EFCAB5: variants seen among roughly 807,000 people sequenced by gnomAD.
The protein encoded by EFCAB5 is EF-hand calcium binding domain 5, also known as EF-hand calcium-binding domain-containing protein 5.
Under a neutral mutation model 167.9 loss-of-function variants are expected in EFCAB5, and 131 were observed. The ratio of observed to expected loss-of-function variants is 0.78; its 90% CI spans 0.68 to 0.90. The LOEUF is 0.90. Among genes scored for constraint, EFCAB5 ranks in the 40% least tolerant of loss-of-function variants. The pLI, the probability that EFCAB5 is intolerant of heterozygous loss-of-function variation, is 0.00. For missense variants in EFCAB5, 1,663 were observed against 1,745.2 expected (o/e 0.95, Z 0.84); for synonymous variants, 574 against 602.8 (o/e 0.95, Z 0.70).
Position 30,087,142 on chromosome 17 carries a change from TCCACAG to T in EFCAB5, c.3660_3665del (p.Ile1220_Arg1222delinsMet), listed in dbSNP as rs747577613. 6 of 1,613,656 alleles carry T rather than the reference TCCACAG, an allele frequency of 3.7e-6. No individual in the cohort carries two copies. The East Asian group carries it at 1.3e-4, about 36-fold the overall frequency. On this transcript the variant is annotated inframe_deletion, in exon 19 of 23. Transcript: ENST00000394835. ...GAAATCCACAAAAATCCTCCTACCA[TCCACAG>T]GAAGTCATGCATCTTCAGGTTAGAG...
At chr17:30,043,098 A>T (rs555344757) in intron 8 of EFCAB5, among the ~76,000 whole-genome samples, 1 of 152,152 alleles carries the variant, frequency 6.6e-6, no homozygotes, top group Non-Finnish European at 1.5e-5. Context: ...TGGGAAACAT[A>T]GCAAGACCAC....
chr17:30,082,040 G>A (rs1201463881), intron 17 of EFCAB5, among the ~76,000 whole-genome samples: 1 of 152,128 alleles, frequency 6.6e-6, no homozygotes, highest in Non-Finnish European at 1.5e-5. Flanking sequence ...CCACATATGG[G>A]TTCTAAAGAT....
intron 8 of EFCAB5, among the ~76,000 whole-genome samples, chr17:30,050,420 C>A (rs1412289618): frequency 6.6e-6 from 1 of 152,124 alleles, no homozygotes; most frequent in African/African-American, 2.4e-5. Context: ...CAGGCGTGAG[C>A]CACCGCGCCT....
In EFCAB5 at chr17:30,056,837, G is replaced by A. The variant is rs114946457; in HGVS notation, c.2365+681G>A. Among the ~76,000 whole-genome samples, 1,081 of 152,212 alleles carry A rather than the reference G, an allele frequency of 7.1e-3. 9 individuals are homozygous for A. The highest frequency in any genetic ancestry group is 0.025 in the African/African-American group (1,048 of 41,526). On this transcript the variant is annotated intron_variant, in intron 12 of 22. Transcript: ENST00000394835. The stretch of plus-strand genomic sequence containing the variant: ...TTTCTGGTGAAAATGCATGGCATTG[G>A]TCAACCTCTTGCAGCCTGCTAGTTC...
chr17:29,946,641 T>C (rs1320244690), intron 3 of EFCAB5, among the ~76,000 whole-genome samples: 3 of 151,904 alleles, frequency 2.0e-5, no homozygotes, highest in Non-Finnish European at 2.9e-5. Context: ...GGTTTCACCA[T>C]GTTGGGCAGG....
At chr17:29,953,451 G>C (rs528760274) in intron 3 of EFCAB5, among the ~76,000 whole-genome samples, 2 of 152,242 alleles carry the variant, frequency 1.3e-5, no homozygotes, top group Admixed American at 6.5e-5. Context: ...CTGTTCTCAT[G>C]ATAGTGAGTA....
intron 7 of EFCAB5, among the ~76,000 whole-genome samples, chr17:30,026,093 A>G (rs1226473486): frequency 6.6e-6 from 1 of 151,866 alleles, no homozygotes; most frequent in Non-Finnish European, 1.5e-5. Flanking sequence ...TGGGTGCAGC[A>G]CACCAGCATG....
chr17:30,017,019 A>G (rs939161031), intron 7 of EFCAB5, among the ~76,000 whole-genome samples: 12 of 152,054 alleles, frequency 7.9e-5, no homozygotes, highest in Non-Finnish European at 1.8e-4. Flanking sequence ...TCTACAAAAA[A>G]TTTAAAAATT....
At chr17:30,074,356 A>G (rs2070825683) in intron 14 of EFCAB5, 1 of 152,190 alleles carries the variant, frequency 6.6e-6, no homozygotes, top group African/African-American at 2.4e-5. Flanking sequence ...GCTGGCCACT[A>G]ACTCCTGGCC....
chr17:29,947,714 G>C (rs1405041399), intron 3 of EFCAB5, among the ~76,000 whole-genome samples: 1 of 152,058 alleles, frequency 6.6e-6, no homozygotes, highest in Non-Finnish European at 1.5e-5. Flanking sequence ...CCCACCTCCT[G>C]TTTTTCTGAT....
intron 7 of EFCAB5, among the ~76,000 whole-genome samples, chr17:30,033,378 G>A (rs1444376880): frequency 2.0e-5 from 3 of 152,046 alleles, no homozygotes; most frequent in Non-Finnish European, 4.4e-5. Flanking sequence ...GTGCCCGGCC[G>A]AGCTCACACT....
At chr17:30,026,104 G>T (rs1321188650) in intron 7 of EFCAB5, among the ~76,000 whole-genome samples, 1 of 151,308 alleles carries the variant, frequency 6.6e-6, no homozygotes, top group African/African-American at 2.4e-5. Flanking sequence ...CACCAGCATG[G>T]CACATGTATA....
chr17:29,985,823 T>C (rs1048482122), intron 4 of EFCAB5, among the ~76,000 whole-genome samples: 8 of 152,190 alleles, frequency 5.3e-5, no homozygotes, highest in African/African-American at 1.9e-4. Flanking sequence ...GTCACAGTGC[T>C]GCAGAGATTT....
At chr17:29,946,568 T>G (rs140696460) in intron 3 of EFCAB5, among the ~76,000 whole-genome samples, 1 of 150,368 alleles carries the variant, frequency 6.7e-6, no homozygotes, top group Non-Finnish European at 1.5e-5. Flanking sequence ...TCCCAAGTAA[T>G]TGGGACTTCA....
rs916135983 is a variant in EFCAB5 at position 30,080,691 on chromosome 17, C to T, written c.3198-62C>T. On this transcript the variant is annotated intron_variant, in intron 16 of 22. Coordinates refer to ENST00000394835, the MANE Select transcript of EFCAB5 (RefSeq NM_198529.4). Reference sequence around the variant, plus strand: ...GAATAGAGAATCGCTCTAGTTTCCTCCATGGTTTAATCTAAATCTCTCCCT... The same window carrying T: ...GAATAGAGAATCGCTCTAGTTTCCTTCATGGTTTAATCTAAATCTCTCCCT... The T allele has an allele frequency of 8.7e-6, 11 of 1,257,192 alleles. No homozygotes were observed. The East Asian group carries it at 2.0e-4, about 23-fold the overall frequency. The allele number at this position is 1,257,192 out of a possible 1,614,324, so 77.9% of individuals were successfully genotyped here. A position where few individuals can be genotyped will look rare whatever the true frequency, so the allele number is the denominator to read the frequency against.
At chr17:30,043,593 TG>T (rs539427874) in intron 8 of EFCAB5, among the ~76,000 whole-genome samples, 1 of 152,208 alleles carries the variant, frequency 6.6e-6, no homozygotes, top group Non-Finnish European at 1.5e-5. Context: ...AAAGAAATAT[TG>T]GAAGATGAAA....
intron 14 of EFCAB5, among the ~76,000 whole-genome samples, chr17:30,068,185 C>T (rs902654399): frequency 1.3e-5 from 2 of 152,092 alleles, no homozygotes; most frequent in Middle Eastern, 3.4e-3. Context: ...GCTTGTAGCC[C>T]CAGCTACTCG....
intron 8 of EFCAB5, among the ~76,000 whole-genome samples, chr17:30,039,439 A>G (rs1036499892): frequency 1.3e-5 from 2 of 152,324 alleles, no homozygotes; most frequent in South Asian, 4.1e-4. Flanking sequence ...CACAGGTTAT[A>G]ACATTTGATG....
At chr17:29,933,044 T>C (rs2067215291) in intron 1 of EFCAB5, among the ~76,000 whole-genome samples, 1 of 152,232 alleles carries the variant, frequency 6.6e-6, no homozygotes, top group South Asian at 2.1e-4. Flanking sequence ...ATTTATTGAA[T>C]GTGTATCATA....
Sources: gnomAD v4.1 joint callset for allele counts (sites outside exome capture counted in the v4.1 genomes callset) on GRCh38, gnomAD v4.1.1 for gene constraint, MANE v1.5 for transcripts, NCBI Gene and HGNC (gene_info 2026-07-23, HGNC 2026-07-21) for gene names.